Variants in SYNRG observed in about 807,000 individuals in gnomAD.
SYNRG encodes synergin gamma.
In SYNRG, 37 loss-of-function variants were observed where a neutral mutation model predicts 130.9. That is an observed-to-expected ratio of 0.28 (90% CI 0.22 to 0.37). SYNRG has a LOEUF of 0.37. Among genes scored for constraint, SYNRG ranks in the 10% least tolerant of loss-of-function variants. SYNRG has a pLI of 1.00. For missense variants in SYNRG, 1,338 were observed against 1,588.9 expected (o/e 0.84, Z 2.68); for synonymous variants, 539 against 568.1 (o/e 0.95, Z 0.73).
chr17:37,590,924 C>T (rs751663289), intron 3 of SYNRG, among the ~76,000 whole-genome samples: 1 of 151,954 alleles, frequency 6.6e-6, no homozygotes, highest in Non-Finnish European at 1.5e-5. Context: ...AAAATACATA[C>T]GAGAACTATA....
rs778462976 is a variant in SYNRG at position 37,553,937 on chromosome 17, G to C, written c.1786C>G (p.Pro596Ala). Residue 596 changes from proline to alanine, a missense_variant, in exon 14 of 22, where the codon CCC becomes GCC. Physicochemically the swap from Pro to Ala is conservative, Grantham distance 27. Around this residue, in one of 3 missense-constraint regions of SYNRG, gnomAD observed 1,146 missense variants for 1,342.3 expected, o/e 0.85. Transcript: ENST00000612223. The part of the protein sequence containing the change: ...TKDKTFPPSF[P>A]SGTIQQKQQT... ...TGTTTCTGTTGTATAGTTCCTGAGGGGAAGGATGGTGGAAAAGTTTTGTCT... is the reference window on the plus strand; with the variant it reads ...TGTTTCTGTTGTATAGTTCCTGAGGCGAAGGATGGTGGAAAAGTTTTGTCT... 1 of 1,610,630 alleles carries C rather than the reference G, an allele frequency of 6.2e-7. No homozygotes were observed. Among genetic ancestry groups the C allele is most frequent in the Admixed American group, 1.7e-5 (1 of 58,490 alleles).
At chr17:37,569,076 T>C in intron 10 of SYNRG, 152 bp from the exon 11 acceptor site, 1 of 799,102 alleles carries the variant, frequency 1.3e-6, no homozygotes, top group Non-Finnish European at 1.9e-6. Flanking sequence ...TTTTGTATTT[T>C]TAAATACTCT....
chr17:37,594,177 CAATATTAAT>C (rs2062479357), intron 3 of SYNRG, among the ~76,000 whole-genome samples: 1 of 89,940 alleles, frequency 1.1e-5, no homozygotes. Flanking sequence ...ATATTAATTA[CAATATTAAT>C]TATTTTAATT....
chr17:37,580,502 T>TGAGA (rs2061224154), intron 6 of SYNRG, among the ~76,000 whole-genome samples: 1 of 118,498 alleles, frequency 8.4e-6, no homozygotes, highest in African/African-American at 3.6e-5. Flanking sequence ...TGTGTGTGTG[T>TGAGA]GTGTGTGTGA....
chr17:37,567,049 T>C (rs569608219), intron 11 of SYNRG: 1 of 152,250 alleles, frequency 6.6e-6, no homozygotes, highest in Non-Finnish European at 1.5e-5. Flanking sequence ...AAACTTCCTA[T>C]ATTTAGCTGA....
Position 37,586,549 on chromosome 17 carries a change from C to T in SYNRG, c.241G>A (p.Ala81Thr), listed in dbSNP as rs1568489338. The change falls in exon 4 of 22, where the codon GCA (alanine) becomes ACA (threonine). Residue 81 changes from alanine (A) to threonine (T), a missense_variant and splice_region_variant. By Grantham distance (58) the Ala-to-Thr change is moderately conservative. Transcript: ENST00000612223. ...GGCATTGGTCCCATTGGTATTCCTG[C>T]CTAGAAGAAACAGACAAAGGCTTAA... ...QMSQGPIAMQ[A>T]GIPMGPMPAA... 1 of 1,613,810 alleles carries T rather than the reference C, an allele frequency of 6.2e-7. No individual in the cohort carries two copies. The highest frequency in any genetic ancestry group is 8.5e-7 in the Non-Finnish European group (1 of 1,179,872).
chr17:37,586,259 GC>G (rs1276103450), intron 4 of SYNRG, among the ~76,000 whole-genome samples, 159 bp downstream of exon 4: 1 of 152,206 alleles, frequency 6.6e-6, no homozygotes, highest in Non-Finnish European at 1.5e-5. Flanking sequence ...CTTCCAAAGT[GC>G]TGGGATTATA....
At chr17:37,566,143 G>A (rs976738741) in intron 11 of SYNRG, among the ~76,000 whole-genome samples, 2 of 152,380 alleles carry the variant, frequency 1.3e-5, no homozygotes, top group South Asian at 2.1e-4. Context: ...GTGCCCAACC[G>A]CTCATTGAGA....
At chr17:37,603,019 G>A (rs1452548384) in intron 1 of SYNRG, among the ~76,000 whole-genome samples, 1 of 152,058 alleles carries the variant, frequency 6.6e-6, no homozygotes, top group East Asian at 1.9e-4. Context: ...AATGACAGAA[G>A]GAGACTCTGT....
chr17:37,529,588 C>T (rs2056392051), intron 19 of SYNRG, among the ~76,000 whole-genome samples: 1 of 150,068 alleles, frequency 6.7e-6, no homozygotes, highest in South Asian at 2.1e-4. Flanking sequence ...TGTTCAGAGT[C>T]TAGAAGGTGC....
chr17:37,541,350 C>G (rs1000359965), intron 15 of SYNRG: 2 of 683,796 alleles, frequency 2.9e-6, no homozygotes, highest in Non-Finnish European at 3.6e-6. Context: ...TCCGCTGAGA[C>G]AGGAAGCGGT....
rs1170327614 is a variant in SYNRG, at chr17:37,518,910, A to G, written c.*30T>C. On this transcript the variant is annotated 3_prime_UTR_variant, in exon 22 of 22. Transcript: ENST00000612223. ...TCACCCCGTGGGGTGTCACAGAAAA[A>G]AAAAAGTCAATGCTTCACAGAGGAG... 6.2e-7 allele frequency: 1 copy of G among 1,606,030 alleles called. No homozygotes were observed. The highest frequency in any genetic ancestry group is 2.2e-5 in the East Asian group (1 of 44,748).
intron 11 of SYNRG, chr17:37,566,779 A>C (rs2060032376): frequency 6.6e-6 from 1 of 152,266 alleles, no homozygotes; most frequent in South Asian, 2.1e-4. Flanking sequence ...TTTCATCTAC[A>C]AACAGTTTTG....
chr17:37,599,328 C>T (rs888526658), intron 2 of SYNRG, among the ~76,000 whole-genome samples: 3 of 152,334 alleles, frequency 2.0e-5, no homozygotes, highest in African/African-American at 7.2e-5. Flanking sequence ...TATATTCCTT[C>T]ACTACTATTT....
At chr17:37,565,608 T>C (rs1194272188) in intron 11 of SYNRG, among the ~76,000 whole-genome samples, 1 of 148,560 alleles carries the variant, frequency 6.7e-6, no homozygotes, top group Non-Finnish European at 1.5e-5. Flanking sequence ...GGAGCGCCTC[T>C]TCCCGGCTGC....
chr17:37,516,560 G>C lies in SYNRG; in HGVS notation c.*2380C>G, dbSNP rs911964753. On this transcript the variant is annotated 3_prime_UTR_variant, in exon 22 of 22. Coordinates refer to ENST00000612223, the MANE Select transcript of SYNRG (RefSeq NM_007247.6). The stretch of plus-strand genomic sequence containing the variant: ...GAATAGAAACCAGCCCAGCTACCAA[G>C]TGAGCTTTTTAAAATGTTGATACTG... The C allele has an allele frequency of 2.6e-5, 4 of 151,954 alleles. No individual in the cohort carries two copies. The highest frequency in any genetic ancestry group is 9.7e-5 in the African/African-American group (4 of 41,358). 9.4% of individuals were successfully genotyped at this position (151,954 alleles called of 1,614,324 possible). A position where few individuals can be genotyped will look rare whatever the true frequency, so the allele number is the denominator to read the frequency against.
chr17:37,580,078 T>C (rs563075980), intron 6 of SYNRG, among the ~76,000 whole-genome samples: 4 of 152,084 alleles, frequency 2.6e-5, no homozygotes, highest in Admixed American at 1.3e-4. Flanking sequence ...CTCAAACCAA[T>C]ATACATCAGA....
At position 37,604,137 on chromosome 17, in the gene SYNRG, G is replaced by A. The variant is rs145330971; in HGVS notation, c.78-3734C>T. ...TGCCTGTAATCTCAGCTACTGGGGA[G>A]GCTGAGGCAGAAGAACCACTTGAAC... is the stretch of plus-strand genomic sequence containing the variant. On this transcript the variant is annotated intron_variant, in intron 1 of 21. Transcript: ENST00000612223. 1.1e-4 allele frequency among the ~76,000 whole-genome samples: 16 copies of A among 152,120 alleles called. 1 individual carries two copies. The highest frequency in any genetic ancestry group is 3.9e-4 in the African/African-American group (16 of 41,502).
intron 6 of SYNRG, among the ~76,000 whole-genome samples, chr17:37,578,072 C>T (rs2060995253): frequency 6.6e-6 from 1 of 151,874 alleles, no homozygotes; most frequent in African/African-American, 2.4e-5. Context: ...TGGCTCAAGC[C>T]TGTAATCCCA....
Sources: allele counts gnomAD v4.1 joint callset (sites outside exome capture counted in the v4.1 genomes callset), GRCh38; gene constraint gnomAD v4.1.1; regional missense constraint gnomAD v4.1.1; transcripts MANE v1.5; gene names NCBI Gene and HGNC (gene_info 2026-07-23, HGNC 2026-07-21).